Variants in LMTK3 observed in about 807,000 individuals in gnomAD.
LMTK3 encodes lemur tail kinase 3.
In LMTK3, 27 loss-of-function variants were observed where a neutral mutation model predicts 116.7. The ratio of observed to expected loss-of-function variants is 0.23; its 90% CI spans 0.17 to 0.32. The LOEUF (loss-of-function observed/expected upper bound fraction) is 0.32, where lower values mean the gene tolerates loss of function less well. Ranked by LOEUF, LMTK3 falls within the 10% of genes least tolerant of loss-of-function variation. The probability of loss-of-function intolerance (pLI) is 1.00; values close to 1 mark genes in which losing one functional copy is unlikely to be tolerated. For synonymous variants in LMTK3, 965 were observed against 971.0 expected (o/e 0.99, Z 0.11); for missense variants, 1,764 against 2,068.5 (o/e 0.85, Z 2.86).
intron 14 of LMTK3, among the ~76,000 whole-genome samples, chr19:48,486,990 T>G (rs999584855): frequency 6.6e-6 from 1 of 151,264 alleles, no homozygotes; most frequent in Admixed American, 6.6e-5. Context: ...TTCAGCTTCC[T>G]GAGTAGCTGG....
In LMTK3 at chr19:48,501,462, C is replaced by T. The variant is rs765295810; in HGVS notation, c.879+16G>A. 1 of 1,612,490 alleles carries T rather than the reference C, an allele frequency of 6.2e-7. No homozygotes were observed. Among genetic ancestry groups the T allele is most frequent in the East Asian group, 2.2e-5 (1 of 44,800 alleles). ...GGGCACCCCACAGCCCCCATCCCGA[C>T]GGAAGGAAGCCCTACCTTGTAGTTG... On this transcript the variant is annotated intron_variant, in intron 8 of 14. Coordinates refer to ENST00000600059, the MANE Select transcript of LMTK3 (RefSeq NM_001388485.1).
Position 48,500,196 on chromosome 19 carries a change from G to A in LMTK3, c.1152-279C>T, listed in dbSNP as rs1972438128. 6.6e-6 allele frequency among the ~76,000 whole-genome samples: 1 copy of A among 152,086 alleles called. No individual in the cohort carries two copies. The highest frequency in any genetic ancestry group is 2.4e-5 in the African/African-American group (1 of 41,404). On this transcript the variant is annotated intron_variant, in intron 10 of 14. Coordinates refer to ENST00000600059, the MANE Select transcript of LMTK3 (RefSeq NM_001388485.1). This position sits in a 1 kb window ranked among gnomAD's most constrained non-coding sequence, Gnocchi z 4.0. ...CCAGCACTTTGGGAGGCTGAGGCCG[G>A]TGGATCACCTGAGGTCAGGAGTTCA...
chr19:48,490,727 T>A (rs1972207057), intron 14 of LMTK3, among the ~76,000 whole-genome samples: 1 of 152,126 alleles, frequency 6.6e-6, no homozygotes, highest in Non-Finnish European at 1.5e-5. Context: ...ACTCTGGGTT[T>A]CTCTCTCCTT....
chr19:48,513,534 C>T (rs1029779400), upstream of LMTK3: 4 of 282,354 alleles, frequency 1.4e-5, no homozygotes, highest in African/African-American at 8.8e-5. This position sits in a 1 kb window ranked among gnomAD's most constrained non-coding sequence, Gnocchi z 5.6. Flanking sequence ...GCGCCCCGAG[C>T]TGCAGACACA....
At position 48,491,489 on chromosome 19, in the gene LMTK3, C is replaced by T; in HGVS notation, c.4143G>A (p.Thr1381=). Residue 1381 remains threonine, a synonymous_variant, in exon 13 of 15, where the codon ACG becomes ACA. Transcript: ENST00000600059. The surrounding 1 kb of genome is among the most constrained non-coding windows in gnomAD (Gnocchi z 5.1). The part of the protein sequence containing the change: ...LSVQAPPEGD[T]DPSTPPAPPT... ...GGGGCGCTGGAGGCGTTGACGGGTC[C>T]GTGTCCCCCTCGGGGGGGGCCTGGA... 2.8e-6 allele frequency: 4 copies of T among 1,407,376 alleles called. No homozygotes were observed. Among genetic ancestry groups the T allele is most frequent in the South Asian group, 1.6e-5 (1 of 60,974 alleles). 87.2% of individuals were successfully genotyped at this position (1,407,376 alleles called of 1,614,324 possible).
rs765959187 is a variant in LMTK3, at chr19:48,508,830, C to G, written c.557+21G>C. 3.2e-6 allele frequency: 5 copies of G among 1,556,392 alleles called. No individual in the cohort carries two copies. In the East Asian group the frequency reaches 9.0e-5, roughly 28 times the overall value. On this transcript the variant is annotated intron_variant, in intron 5 of 14. Transcript: ENST00000600059. ...AATGTCACCTCAACAAGGCACACAC[C>G]CACTGAGAAACCCTCAGTACCTGTA...
intron 5 of LMTK3, among the ~76,000 whole-genome samples, chr19:48,506,093 G>A (rs1972564310): frequency 6.6e-6 from 1 of 150,486 alleles, no homozygotes; most frequent in Non-Finnish European, 1.5e-5. Flanking sequence ...AGAGAGTTGA[G>A]ATTGCGCCAC....
intron 5 of LMTK3, among the ~76,000 whole-genome samples, chr19:48,506,412 T>C (rs1232354111): frequency 1.3e-5 from 2 of 152,186 alleles, no homozygotes; most frequent in Non-Finnish European, 2.9e-5. Context: ...AGAGAAGGAC[T>C]GGCTTGGAGG....
Position 48,511,615 on chromosome 19 carries a change from T to TG in LMTK3, c.-40dup, listed in dbSNP as rs764843626. The TG allele has an allele frequency of 9.5e-6, 1 of 105,650 alleles. No individual in the cohort carries two copies. The highest frequency in any genetic ancestry group is 3.4e-4 in the South Asian group (1 of 2,910). The allele number at this position is 105,650 out of a possible 1,614,324, so 6.5% of individuals were successfully genotyped here. On this transcript the variant is annotated 5_prime_UTR_variant, in exon 1 of 15. Coordinates refer to ENST00000600059, the MANE Select transcript of LMTK3 (RefSeq NM_001388485.1). ...GCAGGGAGGTGGAGGTGGTGGCGGCTGGGGAGGAGGGGGGGGCGGGCCCTC... is the reference window on the plus strand; with the variant it reads ...GCAGGGAGGTGGAGGTGGTGGCGGCTGGGGGAGGAGGGGGGGGCGGGCCCTC...
At chr19:48,493,617 G>T (rs780212124) in intron 12 of LMTK3, 77 bp downstream of exon 12, 2 of 1,220,090 alleles carry the variant, frequency 1.6e-6, no homozygotes, top group East Asian at 8.0e-5. Flanking sequence ...TCGGCCTCCC[G>T]CCAGGCCCTT....
intron 6 of LMTK3, 62 bp downstream of exon 6, chr19:48,502,847 G>A: frequency 7.9e-7 from 1 of 1,258,642 alleles, no homozygotes; most frequent in Non-Finnish European, 1.1e-6. Context: ...GGGGCACCAG[G>A]CTTGGCCCCG....
chr19:48,494,374 A>C lies in LMTK3; in HGVS notation c.3677-265T>G, dbSNP rs914039219. Among the ~76,000 whole-genome samples, 2 of 151,978 alleles carry C rather than the reference A, an allele frequency of 1.3e-5. No homozygotes were observed. Among genetic ancestry groups the C allele is most frequent in the African/African-American group, 4.8e-5 (2 of 41,366 alleles). On this transcript the variant is annotated intron_variant, in intron 11 of 14. Coordinates refer to ENST00000600059, the MANE Select transcript of LMTK3 (RefSeq NM_001388485.1). This position sits in a 1 kb window ranked among gnomAD's most constrained non-coding sequence, Gnocchi z 4.0. ...AGGCCCTCATGCCCTGGCCTACCTG[A>C]TTTCTCTGGCCTCTGTCCCCACCTC...
intron 5 of LMTK3, among the ~76,000 whole-genome samples, chr19:48,506,510 T>C (rs1213524653): frequency 1.3e-5 from 2 of 152,186 alleles, no homozygotes; most frequent in African/African-American, 4.8e-5. Context: ...ATTTTCCTAC[T>C]GGGGCCTGGC....
chr19:48,513,048 C>T, upstream of LMTK3: 2 of 1,039,524 alleles, frequency 1.9e-6, no homozygotes, highest in Non-Finnish European at 2.9e-6. This position sits in a 1 kb window ranked among gnomAD's most constrained non-coding sequence, Gnocchi z 5.6. Flanking sequence ...CATACATAAA[C>T]ACACACTGGC....
rs904671514 is a variant in LMTK3 at position 48,500,504 on chromosome 19, G to C, written c.1151+492C>G. ...AGAGAGAGGGGGACAGAGACCTAGAGAGAGAGGGAAACATAGACCCAAAAA... is the reference window on the plus strand; with the variant it reads ...AGAGAGAGGGGGACAGAGACCTAGACAGAGAGGGAAACATAGACCCAAAAA... On this transcript the variant is annotated intron_variant, in intron 10 of 14. Transcript: ENST00000600059. This position sits in a 1 kb window ranked among gnomAD's most constrained non-coding sequence, Gnocchi z 4.0. Among the ~76,000 whole-genome samples, 1 of 152,200 alleles carries C rather than the reference G, an allele frequency of 6.6e-6. No individual in the cohort carries two copies. The highest frequency in any genetic ancestry group is 6.5e-5 in the Admixed American group (1 of 15,284).
chr19:48,491,401 C>T lies in LMTK3; in HGVS notation c.4228+3G>A. On this transcript the variant is annotated splice_donor_region_variant and intron_variant, in intron 13 of 14. Transcript: ENST00000600059. The surrounding 1 kb of genome is among the most constrained non-coding windows in gnomAD (Gnocchi z 5.1). Reference sequence around the variant, plus strand: ...CCTCCCGCCCCATAGGGCCCGTCCTCACCAAAGCCGCTGTCGTTGCTGGGA... The same window carrying T: ...CCTCCCGCCCCATAGGGCCCGTCCTTACCAAAGCCGCTGTCGTTGCTGGGA... 1 of 1,409,968 alleles carries T rather than the reference C, an allele frequency of 7.1e-7. No homozygotes were observed. The highest frequency in any genetic ancestry group is 9.2e-7 in the Non-Finnish European group (1 of 1,082,174). The allele number at this position is 1,409,968 out of a possible 1,614,324, so 87.3% of individuals were successfully genotyped here.
intron 11 of LMTK3, among the ~76,000 whole-genome samples, chr19:48,495,382 G>C (rs551519965): frequency 6.6e-6 from 1 of 152,124 alleles, no homozygotes; most frequent in Non-Finnish European, 1.5e-5. Flanking sequence ...ATTAGGGAAG[G>C]CTTCCTGGAA....
intron 14 of LMTK3, among the ~76,000 whole-genome samples, chr19:48,487,890 G>T (rs150988854): frequency 6.6e-6 from 1 of 152,178 alleles, no homozygotes; most frequent in Non-Finnish European, 1.5e-5. Context: ...AGACTTTGGG[G>T]TATGTGGCAT....
chr19:48,505,573 AT>A (rs1377683792), intron 5 of LMTK3, among the ~76,000 whole-genome samples: 9 of 152,050 alleles, frequency 5.9e-5, no homozygotes, highest in Admixed American at 5.3e-4. Context: ...ATTAAAAAAA[AT>A]ATATAGTCTG....
Sources: allele counts gnomAD v4.1 joint callset (sites outside exome capture counted in the v4.1 genomes callset), GRCh38; gene constraint gnomAD v4.1.1; non-coding constraint Gnocchi (gnomAD v3.1); transcripts MANE v1.5; gene names NCBI Gene and HGNC (gene_info 2026-07-23, HGNC 2026-07-21).